The following ABCA7 variants were observed in gnomAD, a reference collection of about 807,000 sequenced individuals.
ABCA7 encodes ATP binding cassette subfamily A member 7.
A neutral mutation model predicts 227.6 loss-of-function variants in ABCA7; 261 were observed. The ratio of observed to expected loss-of-function variants is 1.15; its 90% confidence interval spans 1.04 to 1.27. The LOEUF is 1.27. Among genes scored for constraint, ABCA7 ranks in the 50% most tolerant of loss-of-function variants. The pLI, the probability that ABCA7 is intolerant of heterozygous loss-of-function variation, is 0.00. For synonymous variants in ABCA7, 1,488 were observed against 1,279.7 expected (o/e 1.16, Z -3.47); for missense variants, 3,331 against 2,924.5 (o/e 1.14, Z -3.21).
chr19:1,044,751 G>A lies in ABCA7; in HGVS notation c.1215+7G>A, dbSNP rs764892701. 4.4e-6 allele frequency: 7 copies of A among 1,595,548 alleles called. No homozygotes were observed. The East Asian group carries it at 1.1e-4, about 26-fold the overall frequency. On this transcript the variant is annotated splice_region_variant and intron_variant, in intron 11 of 46. Transcript: ENST00000263094. The stretch of plus-strand genomic sequence containing the variant: ...GCTGGGCCGAGTGACGGAGGTGAGG[G>A]CCTGTCCACCTGCGGGGTCTGTTTC...
At position 1,064,921 on chromosome 19, in the gene ABCA7, C is replaced by T. The variant is rs781596309; in HGVS notation, c.6045-10C>T. On this transcript the variant is annotated splice_polypyrimidine_tract_variant and intron_variant, in intron 45 of 46. Coordinates refer to ENST00000263094, the MANE Select transcript of ABCA7 (RefSeq NM_019112.4). ...GCCCGATCCGGTAGCCCTGGCCCCA[C>T]TCACTGCAGATTCGCGGCGGGTCAC... 1.3e-6 allele frequency: 2 copies of T among 1,557,918 alleles called. No individual in the cohort carries two copies. The highest frequency in any genetic ancestry group is 1.7e-6 in the Non-Finnish European group (2 of 1,152,336).
rs1234223995 is a variant in ABCA7 at position 1,057,370 on chromosome 19, G to T, written c.4821G>T (p.Gln1607His). The T allele has an allele frequency of 6.2e-7, 1 of 1,613,944 alleles. No homozygotes were observed. The highest frequency in any genetic ancestry group is 1.3e-5 in the African/African-American group (1 of 75,052). Reference sequence around the variant, plus strand: ...TGCTCATCTTTCTGGCCTTCCAGCAGAGGGCATATGTGGCCCCTGCCAACC... The same window carrying T: ...TGCTCATCTTTCTGGCCTTCCAGCATAGGGCATATGTGGCCCCTGCCAACC... ...IVVLIFLAFQ[Q>H]RAYVAPANLP... Residue 1607 changes from glutamine (Q) to histidine (H), a missense_variant, in exon 35 of 47, where the codon CAG becomes CAT. Gln to His is a conservative substitution (Grantham distance 24). Transcript: ENST00000263094.
chr19:1,041,905 A>G lies in ABCA7; in HGVS notation c.235A>G (p.Asn79Asp). 6.2e-7 allele frequency: 1 copy of G among 1,602,134 alleles called. No individual in the cohort carries two copies. Among genetic ancestry groups the G allele is most frequent in the Non-Finnish European group, 8.5e-7 (1 of 1,178,920 alleles). ...WLQGLICNVN[N>D]TCFPQLTPGE... Reference sequence around the variant, plus strand: ...CCAGGGTCTCATCTGTAATGTGAACAACACCTGCTTTCCGCAGCTGACACC... The same window carrying G: ...CCAGGGTCTCATCTGTAATGTGAACGACACCTGCTTTCCGCAGCTGACACC... Residue 79 changes from asparagine (N) to aspartate (D), a missense_variant, in exon 4 of 47, where the codon AAC becomes GAC. Coordinates refer to ENST00000263094, the MANE Select transcript of ABCA7 (RefSeq NM_019112.4).
chr19:1,064,579 A>G, intron 45 of ABCA7: 1 of 444,526 alleles, frequency 2.2e-6, no homozygotes, highest in Non-Finnish European at 4.0e-6. Flanking sequence ...GGGCGGGGCC[A>G]TAGGAAAGTG....
rs753172466 is a variant in ABCA7, at chr19:1,054,787, G to T, written c.3859G>T (p.Ala1287Ser). 6.2e-7 allele frequency: 1 copy of T among 1,600,352 alleles called. No individual in the cohort carries two copies. Among genetic ancestry groups the T allele is most frequent in the African/African-American group, 1.3e-5 (1 of 74,746 alleles). ...GAQVSFFSED[A>S]PGDPGRARLL... is the part of the protein sequence containing the mutation. Reference sequence around the variant, plus strand: ...ATCTCCCCTCACACACAGTGAGGACGCCCCAGGGGACCCTGGACGTGCCCG... The same window carrying T: ...ATCTCCCCTCACACACAGTGAGGACTCCCCAGGGGACCCTGGACGTGCCCG... Residue 1287 changes from alanine to serine, a missense_variant, in exon 29 of 47, where the codon GCC becomes TCC. Transcript: ENST00000263094. This position sits in a 1 kb window ranked among gnomAD's most constrained non-coding sequence, Gnocchi z 4.8.
rs2041696684 is a variant in ABCA7, at chr19:1,052,105, G to T, written c.3126G>T (p.Leu1042=). The stretch of plus-strand genomic sequence containing the variant: ...ACCTGACGCTGGTGAAGGCCCGCCT[G>T]CCCCTGACCACCAATGAGAAGGTGG... ...GYYLTLVKAR[L]PLTTNEKADT... Residue 1042 remains leucine, a synonymous_variant, in exon 22 of 47, where the codon CTG becomes CTT. Transcript: ENST00000263094. 1.2e-6 allele frequency: 2 copies of T among 1,612,132 alleles called. No homozygotes were observed. The highest frequency in any genetic ancestry group is 1.7e-6 in the Non-Finnish European group (2 of 1,179,828).
chr19:1,062,335 C>G, intron 42 of ABCA7, 22 bp downstream of exon 42: 1 of 1,597,056 alleles, frequency 6.3e-7, no homozygotes, highest in Non-Finnish European at 8.5e-7. Context: ...TTGTCCCCAC[C>G]GCTCTCACCT....
rs760419954 is a variant in ABCA7, at chr19:1,041,858, C to T, written c.188C>T (p.Ser63Leu). The change falls in exon 4 of 47, where the codon TCG (serine) becomes TTG (leucine). Residue 63 changes from serine (S) to leucine (L), a missense_variant. By Grantham distance (145) the Ser-to-Leu change is moderately radical (BLOSUM62 -2). Transcript: ENST00000263094. ...ECHFPNKPLP[S>L]AGTVPWLQGL... is the part of the protein sequence containing the mutation. ...CACTTCCCAAACAAGCCACTGCCAT[C>T]GGCGGGCACCGTGCCCTGGCTCCAG... 1.3e-6 allele frequency: 2 copies of T among 1,598,082 alleles called. No individual in the cohort carries two copies. Among genetic ancestry groups the T allele is most frequent in the African/African-American group, 2.7e-5 (2 of 74,890 alleles).
Position 1,045,009 on chromosome 19 carries a change from C to A in ABCA7, c.1223C>A (p.Ser408Tyr). ...GTLGRVTECL[S>Y]LDKLEAAPSE... ...CACCCCCGCATCCCACAGTGCCTGT[C>A]CTTGGACAAGCTGGAGGCGGCACCC... Residue 408 changes from serine to tyrosine, a missense_variant, in exon 12 of 47, where the codon TCC becomes TAC. Ser to Tyr is a moderately radical substitution (Grantham distance 144). Transcript: ENST00000263094. The A allele has an allele frequency of 6.2e-7, 1 of 1,612,624 alleles. No individual in the cohort carries two copies. The highest frequency in any genetic ancestry group is 8.5e-7 in the Non-Finnish European group (1 of 1,179,916).
At position 1,063,625 on chromosome 19, in the gene ABCA7, CG is replaced by C. The variant is rs1568426971; in HGVS notation, c.5795del (p.Arg1932ProfsTer47). 1.2e-6 allele frequency: 2 copies of C among 1,611,168 alleles called. No homozygotes were observed. Among genetic ancestry groups the C allele is most frequent in the African/African-American group, 1.3e-5 (1 of 74,938 alleles). On this transcript the variant is annotated frameshift_variant, in exon 43 of 47. Transcript: ENST00000263094. LOFTEE classifies it high-confidence loss of function. ...AGGCACCTACAGCGGAGGGAACAAA[CG>C]CAAGCTGGCGACGGCCCTGGCGCTG... is the stretch of plus-strand genomic sequence containing the variant. Reference protein sequence around the residue: ...PAGTYSGGNKRKLATALALVG... With the variant: ...PAGTYSGGNKXKLATALALVG...
In ABCA7 at chr19:1,047,177, C is replaced by A. The variant is rs756254280; in HGVS notation, c.1866C>A (p.Tyr622Ter). Residue 622 changes from tyrosine to a stop codon, truncating the protein, a stop_gained, in exon 15 of 47, where the codon TAC (tyrosine) becomes TAA (stop). Transcript: ENST00000263094. LOFTEE classifies it high-confidence loss of function. ...CACAGCTGGGAGACATCCTCCCCTA[C>A]AGCCACCCGGGCGTGGTCTTCCTGT... is the stretch of plus-strand genomic sequence containing the variant. ...LVLKLGDILP[Y>*]SHPGVVFLFL... is the part of the protein sequence containing the mutation. 2 of 1,604,522 alleles carry A rather than the reference C, an allele frequency of 1.2e-6. No individual in the cohort carries two copies. The highest frequency in any genetic ancestry group is 1.7e-6 in the Non-Finnish European group (2 of 1,177,546).
intron 41 of ABCA7, 110 bp from the exon 42 acceptor site, chr19:1,062,062 G>C (rs2042691662): frequency 2.6e-6 from 4 of 1,522,746 alleles, no homozygotes; most frequent in Non-Finnish European, 3.5e-6. Context: ...AGACACCCCT[G>C]TCCCTTATCA....
Position 1,052,267 on chromosome 19 carries a change from C to A in ABCA7, c.3201C>A (p.Gly1067=), listed in dbSNP as rs992361148. Reference sequence around the variant, plus strand: ...ACACCAGGCAGGAAAAGAAGAATGGCAGCCAGGGCAGCAGAGTCGGTGAGG... The same window carrying A: ...ACACCAGGCAGGAAAAGAAGAATGGAAGCCAGGGCAGCAGAGTCGGTGAGG... ...SVDTRQEKKN[G]SQGSRVGTPQ... Residue 1067 remains glycine, a synonymous_variant, in exon 23 of 47, where the codon GGC becomes GGA. Coordinates refer to ENST00000263094, the MANE Select transcript of ABCA7 (RefSeq NM_019112.4). The A allele has an allele frequency of 1.3e-6, 2 of 1,542,658 alleles. No homozygotes were observed. The highest frequency in any genetic ancestry group is 8.7e-7 in the Non-Finnish European group (1 of 1,145,588).
chr19:1,064,211 G>C lies in ABCA7; in HGVS notation c.6002G>C (p.Gly2001Ala). The C allele has an allele frequency of 1.9e-6, 3 of 1,577,566 alleles. No homozygotes were observed. The highest frequency in any genetic ancestry group is 1.7e-6 in the Non-Finnish European group (2 of 1,163,232). Residue 2001 changes from glycine to alanine, a missense_variant, in exon 45 of 47, where the codon GGG becomes GCG. By Grantham distance (60) the Gly-to-Ala change is moderately conservative. Transcript: ENST00000263094. ...LCSRLAIMVN[G>A]RFRCLGSPQH... is the part of the protein sequence containing the mutation. ...TCGCGCCTGGCCATCATGGTGAATGGGCGGTTCCGCTGCCTGGGCAGCCCG... is the reference window on the plus strand; with the variant it reads ...TCGCGCCTGGCCATCATGGTGAATGCGCGGTTCCGCTGCCTGGGCAGCCCG...
At position 1,053,783 on chromosome 19, in the gene ABCA7, C is replaced by T. The variant is rs1480625044; in HGVS notation, c.3424-5C>T. ...CAGTCTCTGAGCCCCTGCTTGTCTC[C>T]CCAGATCTTCCTGAAGGTGGTGGAG... On this transcript the variant is annotated splice_region_variant and splice_polypyrimidine_tract_variant and intron_variant, in intron 24 of 46. Transcript: ENST00000263094. The T allele has an allele frequency of 3.1e-6, 5 of 1,611,390 alleles. No homozygotes were observed. In the African/African-American group the frequency reaches 5.3e-5, roughly 17 times the overall value.
In ABCA7 at chr19:1,056,694, C is replaced by T. The variant is rs1308584665; in HGVS notation, c.4586+195C>T. The stretch of plus-strand genomic sequence containing the variant: ...AGACTCAGCGGGCCCCAGCCTCCCC[C>T]ACACATCCTCATCCCACCAACCTTT... On this transcript the variant is annotated intron_variant, in intron 33 of 46. Transcript: ENST00000263094. This position sits in a 1 kb window ranked among gnomAD's most constrained non-coding sequence, Gnocchi z 4.3. 6.6e-6 allele frequency among the ~76,000 whole-genome samples: 1 copy of T among 152,188 alleles called. No individual in the cohort carries two copies. Among genetic ancestry groups the T allele is most frequent in the African/African-American group, 2.4e-5 (1 of 41,438 alleles).
At chr19:1,046,650 A>C in intron 13 of ABCA7, 152 bp from the exon 14 acceptor site, 1 of 1,096,458 alleles carries the variant, frequency 9.1e-7, no homozygotes, top group East Asian at 2.6e-5. Context: ...GATGCCTGAG[A>C]GCCAAAGGCT....
chr19:1,051,209 C>A lies in ABCA7; in HGVS notation c.2739C>A (p.Ala913=). 1.2e-6 allele frequency: 2 copies of A among 1,611,210 alleles called. No homozygotes were observed. The highest frequency in any genetic ancestry group is 1.7e-6 in the Non-Finnish European group (2 of 1,179,890). ...ATGGGCGGCTGAAGGGTCTGAGTGC[C>A]GCTGTAGTGGGCCCCGAGCAGGACC... ...WFYGRLKGLS[A]AVVGPEQDRL... The change falls in exon 20 of 47, where the codon GCC becomes GCA. Residue 913 remains alanine, a synonymous_variant. Coordinates refer to ENST00000263094, the MANE Select transcript of ABCA7 (RefSeq NM_019112.4).
At chr19:1,041,048 C>T (rs1262237327) in intron 1 of ABCA7, among the ~76,000 whole-genome samples, 177 bp from the exon 2 acceptor site, 2 of 152,210 alleles carry the variant, frequency 1.3e-5, no homozygotes, top group Admixed American at 6.5e-5. Flanking sequence ...AACTCGGTCC[C>T]TGGAGGATTA....
Sources: gnomAD v4.1 joint callset for allele counts (sites outside exome capture counted in the v4.1 genomes callset) on GRCh38, gnomAD v4.1.1 for gene constraint, Gnocchi (gnomAD v3.1) non-coding constraint, MANE v1.5 for transcripts, NCBI Gene and HGNC (gene_info 2026-07-23, HGNC 2026-07-21) for gene names.